PTPRN2: variants seen among roughly 807,000 people sequenced by gnomAD.
PTPRN2 encodes the protein protein tyrosine phosphatase receptor type N2, also known as receptor-type tyrosine-protein phosphatase N2.
A neutral mutation model predicts 118.8 loss-of-function variants in PTPRN2; 74 were observed. The observed-to-expected ratio is 0.62, with a 90% CI of 0.52 to 0.76. PTPRN2 has a LOEUF of 0.76. PTPRN2 is among the 30% of genes least tolerant of loss of function. The probability of loss-of-function intolerance (pLI) is 0.00; values close to 1 mark genes in which losing one functional copy is unlikely to be tolerated. For missense variants in PTPRN2, 1,481 were observed against 1,394.4 expected (o/e 1.06, Z -0.99); for synonymous variants, 641 against 608.0 (o/e 1.05, Z -0.80).
chr7:158,587,788 C>G lies in PTPRN2; in HGVS notation c.-119G>C. On this transcript the variant is annotated 5_prime_UTR_variant, in exon 1 of 23. Transcript: ENST00000389418. ...CTCCTCCCGCCGCGCCTCTCGCGCT[C>G]TTGCGGCGACGCCGGGCCGAGCTTC... The G allele has an allele frequency of 1.0e-6, 1 of 956,978 alleles. No individual in the cohort carries two copies. Among genetic ancestry groups the G allele is most frequent in the South Asian group, 4.7e-5 (1 of 21,396 alleles). 59.3% of individuals were successfully genotyped at this position (956,978 alleles called of 1,614,324 possible). A position where few individuals can be genotyped will look rare whatever the true frequency, so the allele number is the denominator to read the frequency against.
intron 10 of PTPRN2, among the ~76,000 whole-genome samples, chr7:158,104,158 G>A (rs1815475602): frequency 6.6e-6 from 1 of 152,210 alleles, no homozygotes; most frequent in Non-Finnish European, 1.5e-5. Context: ...ACCGTGCCTG[G>A]CCTAGAGACA....
Position 157,764,135 on chromosome 7 carries a change from G to A in PTPRN2, c.1789-81198C>T, listed in dbSNP as rs1332325023. Among the ~76,000 whole-genome samples the A allele has an allele frequency of 6.6e-6, 1 of 152,186 alleles. No individual in the cohort carries two copies. Among genetic ancestry groups the A allele is most frequent in the Non-Finnish European group, 1.5e-5 (1 of 68,030 alleles). The stretch of plus-strand genomic sequence containing the variant: ...TGAGGAATCGTAACTGGCACACTCT[G>A]CAGGGAGGAATATAGCATGATGCAG... On this transcript the variant is annotated intron_variant, in intron 12 of 22. Transcript: ENST00000389418. This position sits in a 1 kb window ranked among gnomAD's most constrained non-coding sequence, Gnocchi z 4.5.
Position 157,619,775 on chromosome 7 carries a change from C to T in PTPRN2, c.2344+1587G>A, listed in dbSNP as rs1341416984. 1.3e-5 allele frequency among the ~76,000 whole-genome samples: 2 copies of T among 152,200 alleles called. No individual in the cohort carries two copies. The highest frequency in any genetic ancestry group is 2.9e-5 in the Non-Finnish European group (2 of 68,030). ...AGCTTCTCACTGTTCTGACCTGTAACACTTCCTGAGGGCTGGAAGGAGGGC... is the reference window on the plus strand; with the variant it reads ...AGCTTCTCACTGTTCTGACCTGTAATACTTCCTGAGGGCTGGAAGGAGGGC... On this transcript the variant is annotated intron_variant, in intron 15 of 22. Transcript: ENST00000389418. The surrounding 1 kb of genome is among the most constrained non-coding windows in gnomAD (Gnocchi z 5.3).
Position 157,868,267 on chromosome 7 carries a change from C to G in PTPRN2, c.1788+30406G>C, listed in dbSNP as rs751136925. On this transcript the variant is annotated intron_variant, in intron 12 of 22. Transcript: ENST00000389418. This position sits in a 1 kb window ranked among gnomAD's most constrained non-coding sequence, Gnocchi z 5.2. The stretch of plus-strand genomic sequence containing the variant: ...GTGGGCTGGGACTCGGCAAGCCCAT[C>G]TGAACAGGGCTCTCTGCAGGCAGCC... 1.3e-5 allele frequency among the ~76,000 whole-genome samples: 2 copies of G among 152,250 alleles called. No individual in the cohort carries two copies. Among genetic ancestry groups the G allele is most frequent in the Non-Finnish European group, 2.9e-5 (2 of 68,056 alleles).
In PTPRN2 at chr7:158,570,064, C is replaced by G. The variant is rs989990635; in HGVS notation, c.112+17494G>C. ...CGTTCCCTCAGGCGCGTCCTCCACCCGTTTCCCCCAGGCAGGGGGAAGCCC... is the reference window on the plus strand; with the variant it reads ...CGTTCCCTCAGGCGCGTCCTCCACCGGTTTCCCCCAGGCAGGGGGAAGCCC... On this transcript the variant is annotated intron_variant, in intron 1 of 22. Transcript: ENST00000389418. The surrounding 1 kb of genome is among the most constrained non-coding windows in gnomAD (Gnocchi z 4.5). Among the ~76,000 whole-genome samples the G allele has an allele frequency of 6.6e-6, 1 of 152,182 alleles. No individual in the cohort carries two copies. Among genetic ancestry groups the G allele is most frequent in the Non-Finnish European group, 1.5e-5 (1 of 68,016 alleles).
chr7:157,578,415 C>A (rs757320294), intron 17 of PTPRN2, among the ~76,000 whole-genome samples: 18 of 152,160 alleles, frequency 1.2e-4, no homozygotes, highest in Non-Finnish European at 1.9e-4. Context: ...GGTTTTCCAA[C>A]TTCTGATCTG....
intron 2 of PTPRN2, among the ~76,000 whole-genome samples, chr7:158,489,362 G>C (rs1453483666): frequency 6.6e-6 from 1 of 152,166 alleles, no homozygotes; most frequent in Non-Finnish European, 1.5e-5. Context: ...CAGGAGAATC[G>C]CTTGAGCCCA....
At chr7:158,527,584 T>A (rs1824884862) in intron 1 of PTPRN2, among the ~76,000 whole-genome samples, 1 of 152,148 alleles carries the variant, frequency 6.6e-6, no homozygotes, top group Non-Finnish European at 1.5e-5. Context: ...ACGGTCAGTG[T>A]CCCTCCCAGG....
At chr7:157,821,156 C>T (rs1053983492) in intron 12 of PTPRN2, among the ~76,000 whole-genome samples, 1 of 152,232 alleles carries the variant, frequency 6.6e-6, no homozygotes, top group Non-Finnish European at 1.5e-5. Context: ...TACTTTGCTG[C>T]CTCTGCTGAA....
chr7:158,112,553 C>T (rs374753114), intron 9 of PTPRN2, among the ~76,000 whole-genome samples: 9 of 152,126 alleles, frequency 5.9e-5, no homozygotes, highest in South Asian at 2.1e-4. Context: ...CGGTGGAGTC[C>T]GCTGGCACTG....
intron 11 of PTPRN2, among the ~76,000 whole-genome samples, chr7:158,019,152 G>T (rs1004419269): frequency 6.6e-6 from 1 of 152,188 alleles, no homozygotes; most frequent in Non-Finnish European, 1.5e-5. Context: ...AAGGGCTCAC[G>T]CAGGCCCATC....
Position 157,547,539 on chromosome 7 carries a change from C to A in PTPRN2, c.2976+1407G>T, listed in dbSNP as rs982089228. 8.8e-4 allele frequency among the ~76,000 whole-genome samples: 134 copies of A among 152,072 alleles called. 2 individuals carry two copies. Among genetic ancestry groups the A allele is most frequent in the Non-Finnish European group, 2.8e-4 (19 of 68,036 alleles). On this transcript the variant is annotated intron_variant, in intron 22 of 22. Transcript: ENST00000389418. Reference sequence around the variant, plus strand: ...GTTTTGATGGCTGTTGCTGCTGGAACAGCAGCTGTCCCGTGTCACCTCCTC... The same window carrying A: ...GTTTTGATGGCTGTTGCTGCTGGAAAAGCAGCTGTCCCGTGTCACCTCCTC...
intron 4 of PTPRN2, among the ~76,000 whole-genome samples, chr7:158,198,382 AT>A (rs750411898): frequency 5.3e-5 from 8 of 152,226 alleles, no homozygotes; most frequent in Non-Finnish European, 7.3e-5. Flanking sequence ...AAGATGAAAA[AT>A]GTTTTACACT....
Position 158,343,826 on chromosome 7 carries a change from C to T in PTPRN2, c.164-26894G>A, listed in dbSNP as rs1286617386. ...GGCTCAGGCAGCCATGCTCGTGGCA[C>T]GTGGGCTGTCGCGGCTGCTCCCAGT... On this transcript the variant is annotated intron_variant, in intron 2 of 22. Coordinates refer to ENST00000389418, the MANE Select transcript of PTPRN2 (RefSeq NM_002847.5). Among the ~76,000 whole-genome samples the T allele has an allele frequency of 2.6e-5, 4 of 152,196 alleles. No individual in the cohort carries two copies. In the South Asian group the frequency reaches 8.3e-4, roughly 31 times the overall value.
At chr7:157,900,036 G>C (rs369883656) in intron 11 of PTPRN2, among the ~76,000 whole-genome samples, 1 of 152,172 alleles carries the variant, frequency 6.6e-6, no homozygotes, top group African/African-American at 2.4e-5. Context: ...AGCAGGCTGA[G>C]GAACAGAAAG....
rs545901068 is a variant in PTPRN2 at position 158,069,832 on chromosome 7, A to C, written c.1723+11466T>G. On this transcript the variant is annotated intron_variant, in intron 11 of 22. Coordinates refer to ENST00000389418, the MANE Select transcript of PTPRN2 (RefSeq NM_002847.5). ...GCAACCAACAACTTATAAACTGCTC[A>C]GACTTTACATTTTGCTCTCACATCA... Among the ~76,000 whole-genome samples, 57 of 152,366 alleles carry C rather than the reference A, an allele frequency of 3.7e-4. 1 individual carries two copies. The highest frequency in any genetic ancestry group is 1.1e-3 in the Admixed American group (17 of 15,304).
chr7:157,553,130 A>G (rs1003560450), intron 21 of PTPRN2, among the ~76,000 whole-genome samples: 1 of 152,152 alleles, frequency 6.6e-6, no homozygotes, highest in Non-Finnish European at 1.5e-5. Context: ...CTGACTCAAG[A>G]GACGGGGAGC....
chr7:158,222,149 G>C (rs1280193253), intron 3 of PTPRN2, among the ~76,000 whole-genome samples: 3 of 152,096 alleles, frequency 2.0e-5, no homozygotes, highest in Non-Finnish European at 4.4e-5. Flanking sequence ...AGTTCAGCTG[G>C]TGTAGAAAGC....
chr7:158,338,635 C>T (rs1806146153), intron 2 of PTPRN2, among the ~76,000 whole-genome samples: 2 of 69,624 alleles, frequency 2.9e-5, no homozygotes, highest in African/African-American at 8.9e-5. Flanking sequence ...CCCATACTCT[C>T]ACCATAAAAG....
Sources: allele counts gnomAD v4.1 joint callset (sites outside exome capture counted in the v4.1 genomes callset), GRCh38; gene constraint gnomAD v4.1.1; non-coding constraint Gnocchi (gnomAD v3.1); transcripts MANE v1.5; gene names NCBI Gene and HGNC (gene_info 2026-07-23, HGNC 2026-07-21).